Variants in SUZ12 observed in about 807,000 individuals in gnomAD.
The protein encoded by SUZ12 is polycomb protein SUZ12.
SUZ12 carries 17 observed loss-of-function variants against 87.3 expected under a neutral mutation model. That is an observed-to-expected ratio of 0.19 (90% confidence interval 0.13 to 0.29). The LOEUF (loss-of-function observed/expected upper bound fraction) is 0.29, where lower values mean the gene tolerates loss of function less well. SUZ12 is among the 10% of genes least tolerant of loss of function. The pLI, the probability that SUZ12 is intolerant of heterozygous loss-of-function variation, is 1.00. For missense variants in SUZ12, 526 were observed against 912.2 expected, an observed-to-expected ratio of 0.58 and a Z score of 5.45; for synonymous variants, 253 against 312.4, an observed-to-expected ratio of 0.81 and a Z score of 2.01.
chr17:31,978,239 C>T (rs1428014105), intron 8 of SUZ12, among the ~76,000 whole-genome samples: 11 of 152,064 alleles, frequency 7.2e-5, no homozygotes, highest in South Asian at 4.1e-4. Context: ...GACGGACTCT[C>T]GCTGTGTCAC....
chr17:31,971,701 A>G (rs895648833), intron 5 of SUZ12, among the ~76,000 whole-genome samples: 1 of 152,058 alleles, frequency 6.6e-6, no homozygotes, highest in African/African-American at 2.4e-5. Flanking sequence ...AAGTGCTGCG[A>G]TTATAGGCGT....
At chr17:31,947,478 T>C (rs1906702592) in intron 3 of SUZ12, 139 bp from the exon 4 acceptor site, 7 of 1,134,190 alleles carry the variant, frequency 6.2e-6, no homozygotes, top group South Asian at 2.9e-5. Context: ...TTCATTGTTA[T>C]GGCTAATCAT....
intron 9 of SUZ12, among the ~76,000 whole-genome samples, chr17:31,987,006 C>A (rs1363948320): frequency 6.6e-6 from 1 of 151,962 alleles, no homozygotes; most frequent in Non-Finnish European, 1.5e-5. Flanking sequence ...AGTAGAACAA[C>A]TGAGATACTC....
At chr17:31,945,335 C>T (rs1031937489) in intron 3 of SUZ12, among the ~76,000 whole-genome samples, 8 of 152,072 alleles carry the variant, frequency 5.3e-5, no homozygotes, top group African/African-American at 1.9e-4. Flanking sequence ...TACTCTCAGT[C>T]GTGATATTAA....
rs1905970232 is a variant in SUZ12, at chr17:31,937,115, C to T, written c.-132C>T. On this transcript the variant is annotated 5_prime_UTR_variant, in exon 1 of 16. Coordinates refer to ENST00000322652, the MANE Select transcript of SUZ12 (RefSeq NM_015355.4). ...TCCTCTCCTCCTCCCTTCCCTTCCC[C>T]TCTCCTCCCCTCTCTCCTCCTTCCC... 5 of 750,598 alleles carry T rather than the reference C, an allele frequency of 6.7e-6. No individual in the cohort carries two copies. The highest frequency in any genetic ancestry group is 4.1e-4 in the Middle Eastern group (1 of 2,442). The allele number at this position is 750,598 out of a possible 1,614,324, so 46.5% of individuals were successfully genotyped here.
intron 9 of SUZ12, among the ~76,000 whole-genome samples, chr17:31,983,368 C>T (rs1366846900): frequency 3.3e-5 from 5 of 151,070 alleles, no homozygotes; most frequent in African/African-American, 1.2e-4. Context: ...CTCCACCTCC[C>T]GGGTTCAAGC....
intron 15 of SUZ12, among the ~76,000 whole-genome samples, chr17:31,997,402 C>G (rs143974476): frequency 1.3e-5 from 2 of 152,234 alleles, no homozygotes; most frequent in Non-Finnish European, 2.9e-5. Flanking sequence ...GTGGCTCATG[C>G]CTGTAATCCC....
chr17:31,977,702 A>G (rs1908842740), intron 8 of SUZ12, among the ~76,000 whole-genome samples: 1 of 152,154 alleles, frequency 6.6e-6, no homozygotes. Flanking sequence ...CAGCCTGGCC[A>G]AGATGGCGAA....
intron 13 of SUZ12, 94 bp from the exon 14 acceptor site, chr17:31,995,467 GTGA>G: frequency 1.1e-6 from 1 of 899,478 alleles, no homozygotes. Flanking sequence ...TTATAAAAGG[GTGA>G]TGTTGCAGAT....
chr17:31,941,554 GC>G (rs879481728), intron 3 of SUZ12, among the ~76,000 whole-genome samples: 5,846 of 19,700 alleles, frequency 0.3, 388 homozygotes, highest in African/African-American at 0.47. Context: ...ACCGTGCCTG[GC>G]CTTTTTTTTT....
chr17:31,999,984 A>G lies in SUZ12; in HGVS notation c.*981A>G. 1 of 232,788 alleles carries G rather than the reference A, an allele frequency of 4.3e-6. No homozygotes were observed. Among genetic ancestry groups the G allele is most frequent in the Non-Finnish European group, 8.5e-6 (1 of 117,808 alleles). The allele number at this position is 232,788 out of a possible 1,614,324, so 14.4% of individuals were successfully genotyped here. ...CTTTGTAATGTGTTTCATGAATAGA[A>G]TATCCAATAGAGATAAGCTGACTTG... On this transcript the variant is annotated 3_prime_UTR_variant, in exon 16 of 16. Coordinates refer to ENST00000322652, the MANE Select transcript of SUZ12 (RefSeq NM_015355.4).
Position 31,998,877 on chromosome 17 carries a change from C to T in SUZ12, c.2094C>T (p.Asn698=), listed in dbSNP as rs376446616. The part of the protein sequence containing the change: ...LEKGESASPA[N]EEITEEQNGT... ...AGGGGGAATCTGCTTCCCCTGCAAA[C>T]GAAGAAATAACTGAAGAACAAAATG... Residue 698 remains asparagine (N), a synonymous_variant, in exon 16 of 16, where the codon AAC becomes AAT. Transcript: ENST00000322652. 200 of 1,613,070 alleles carry T rather than the reference C, an allele frequency of 1.2e-4. No homozygotes were observed. The highest frequency in any genetic ancestry group is 1.8e-4 in the East Asian group (8 of 44,832).
chr17:31,953,958 T>C (rs8068046), intron 4 of SUZ12, among the ~76,000 whole-genome samples: 135,271 of 151,904 alleles, frequency 0.89, 60,510 homozygotes, highest in East Asian at 0.98. Context: ...GTGATCCACC[T>C]GCCTCAGCCT....
intron 4 of SUZ12, among the ~76,000 whole-genome samples, chr17:31,960,543 ATG>A (rs1907640975): frequency 6.6e-6 from 1 of 151,954 alleles, no homozygotes; most frequent in Non-Finnish European, 1.5e-5. Context: ...AGGGGAAATC[ATG>A]CATAGCAAGT....
At chr17:31,958,980 T>G (rs1907537536) in intron 4 of SUZ12, among the ~76,000 whole-genome samples, 1 of 152,232 alleles carries the variant, frequency 6.6e-6, no homozygotes, top group African/African-American at 2.4e-5. Context: ...ATCGCACCAC[T>G]GCACTCCAGC....
chr17:31,949,456 A>G (rs1598150898), intron 4 of SUZ12, among the ~76,000 whole-genome samples: 1 of 152,180 alleles, frequency 6.6e-6, no homozygotes, highest in Middle Eastern at 3.4e-3. Context: ...AGGCACTAAG[A>G]TGAATTAAGA....
chr17:31,977,820 C>T (rs1908851213), intron 8 of SUZ12, among the ~76,000 whole-genome samples: 2 of 151,046 alleles, frequency 1.3e-5, no homozygotes, highest in South Asian at 4.2e-4. Context: ...ACCTGGGAGG[C>T]AGAGGTTGCA....
intron 3 of SUZ12, among the ~76,000 whole-genome samples, chr17:31,942,205 A>C (rs1055498664): frequency 2.6e-5 from 4 of 152,066 alleles, no homozygotes; most frequent in African/African-American, 9.7e-5. Flanking sequence ...TATTTACTAA[A>C]GGGCTCAGGG....
intron 4 of SUZ12, among the ~76,000 whole-genome samples, chr17:31,957,765 C>T (rs1270516670): frequency 5.9e-5 from 9 of 151,412 alleles, no homozygotes; most frequent in Admixed American, 2.6e-4. Context: ...AGGCTGGCCT[C>T]GAATTCTTGA....
Sources: gnomAD v4.1 joint callset for allele counts (sites outside exome capture counted in the v4.1 genomes callset) on GRCh38, gnomAD v4.1.1 for gene constraint, MANE v1.5 for transcripts, NCBI Gene and HGNC (gene_info 2026-07-23, HGNC 2026-07-21) for gene names.